The following ZNF385D variants were observed in gnomAD, a reference collection of about 807,000 sequenced individuals.
The protein encoded by ZNF385D is zinc finger protein 385D.
Under a neutral mutation model 35.8 loss-of-function variants are expected in ZNF385D, and 15 were observed. The ratio of observed to expected loss-of-function variants is 0.42; its 90% CI spans 0.28 to 0.64. The LOEUF is 0.64. ZNF385D is among the 30% of genes least tolerant of loss of function. The pLI is 0.23. For synonymous variants in ZNF385D, 212 were observed against 186.8 expected, an observed-to-expected ratio of 1.13 and a Z score of -1.10; for missense variants, 474 against 494.6, an observed-to-expected ratio of 0.96 and a Z score of 0.39.
chr3:21,983,242 C>A (rs1212235406), intron 3 of ZNF385D, among the ~76,000 whole-genome samples: 12 of 143,852 alleles, frequency 8.3e-5, no homozygotes, highest in African/African-American at 2.8e-4. Flanking sequence ...TATACATGTG[C>A]CATGCTGGTG....
rs75637433 is a variant in ZNF385D, at chr3:21,885,267, T to G, written c.326-220239A>C. 3.2e-4 allele frequency among the ~76,000 whole-genome samples: 48 copies of G among 152,208 alleles called. 1 individual carries two copies. In the East Asian group the frequency reaches 8.7e-3, roughly 28 times the overall value. On this transcript the variant is annotated intron_variant, in intron 3 of 5. Transcript: ENST00000494108. ...TGAAGTTCCAAAATTCATTTTTTTC[T>G]TTCATTCTTCCTTTACTTGCTAACA...
At chr3:22,338,722 G>C (rs935907096) in intron 2 of ZNF385D, among the ~76,000 whole-genome samples, 4 of 112,098 alleles carry the variant, frequency 3.6e-5, no homozygotes, top group Non-Finnish European at 6.7e-5. Flanking sequence ...TTTTTTTGAA[G>C]TGGAGTCTTG....
At chr3:22,178,441 T>A (rs1694984299) in intron 2 of ZNF385D, among the ~76,000 whole-genome samples, 1 of 152,214 alleles carries the variant, frequency 6.6e-6, no homozygotes, top group Admixed American at 6.5e-5. Flanking sequence ...TGTTTTTTTC[T>A]TGTAAATTTG....
chr3:22,304,897 CATTA>C (rs1308191675), intron 2 of ZNF385D, among the ~76,000 whole-genome samples: 1 of 152,080 alleles, frequency 6.6e-6, no homozygotes, highest in Non-Finnish European at 1.5e-5. Flanking sequence ...ATAGTGAAAT[CATTA>C]ATTCATTTAT....
chr3:22,284,349 C>T lies in ZNF385D; in HGVS notation c.106+88101G>A, dbSNP rs375490401. Among the ~76,000 whole-genome samples, 50 of 152,006 alleles carry T rather than the reference C, an allele frequency of 3.3e-4. No individual in the cohort carries two copies. In the East Asian group the frequency reaches 7.2e-3, roughly 22 times the overall value. On this transcript the variant is annotated intron_variant, in intron 2 of 5. Transcript: ENST00000494108. Reference sequence around the variant, plus strand: ...GATTACAGGAACATGCCACCACACCCGGCTATTCTTTTTTTTATTTTTAGT... The same window carrying T: ...GATTACAGGAACATGCCACCACACCTGGCTATTCTTTTTTTTATTTTTAGT...
intron 3 of ZNF385D, among the ~76,000 whole-genome samples, chr3:22,030,548 GA>G (rs1162743540): frequency 6.6e-6 from 1 of 151,422 alleles, no homozygotes; most frequent in Non-Finnish European, 1.5e-5. Flanking sequence ...CAGATCTTGG[GA>G]AACCTCCCTC....
intron 3 of ZNF385D, among the ~76,000 whole-genome samples, chr3:21,904,342 A>T (rs1699566766): frequency 6.6e-6 from 1 of 151,132 alleles, no homozygotes; most frequent in Non-Finnish European, 1.5e-5. Flanking sequence ...AAAGCTCAAG[A>T]TTCAATATGC....
At chr3:21,577,906 C>T (rs1333767640) in intron 2 of ZNF385D, among the ~76,000 whole-genome samples, 1 of 151,194 alleles carries the variant, frequency 6.6e-6, no homozygotes, top group Non-Finnish European at 1.5e-5. Context: ...ACTTCCTGGG[C>T]TTAAGCGATC....
chr3:21,833,050 A>C (rs1695102178), intron 3 of ZNF385D, among the ~76,000 whole-genome samples: 2 of 151,934 alleles, frequency 1.3e-5, no homozygotes, highest in Admixed American at 1.3e-4. Context: ...GACACTTTCC[A>C]CTCTCACATC....
At chr3:21,825,244 C>A (rs2670260) in intron 3 of ZNF385D, among the ~76,000 whole-genome samples, 55,727 of 151,734 alleles carry the variant, frequency 0.37, 10,435 homozygotes, top group African/African-American at 0.43. Flanking sequence ...ACTTGAGATC[C>A]AGGTGAAACC....
At chr3:22,168,533 C>A (rs1706483981) in intron 3 of ZNF385D, 1 of 152,350 alleles carries the variant, frequency 6.6e-6, no homozygotes, top group African/African-American at 2.4e-5. Flanking sequence ...TATTTCCACA[C>A]ATAACTATAC....
chr3:22,042,508 A>T (rs1308696531), intron 3 of ZNF385D, among the ~76,000 whole-genome samples: 1 of 152,142 alleles, frequency 6.6e-6, no homozygotes, highest in Non-Finnish European at 1.5e-5. Flanking sequence ...CTGCAGTAGA[A>T]CAGACTATAA....
intron 3 of ZNF385D, among the ~76,000 whole-genome samples, chr3:22,041,621 T>C (rs35485403): frequency 0.11 from 16,177 of 152,188 alleles, 1,136 homozygotes; most frequent in South Asian, 0.26. Flanking sequence ...AACACTAAAA[T>C]AGGCTCAGAC....
chr3:22,164,126 G>A lies in ZNF385D; in HGVS notation c.325+4691C>T, dbSNP rs183599799. Among the ~76,000 whole-genome samples, 339 of 150,820 alleles carry A rather than the reference G, an allele frequency of 2.2e-3. 5 individuals carry two copies. Among genetic ancestry groups the A allele is most frequent in the Non-Finnish European group, 2.2e-4 (15 of 67,902 alleles). On this transcript the variant is annotated intron_variant, in intron 3 of 5. Transcript: ENST00000494108. The stretch of plus-strand genomic sequence containing the variant: ...CTATATTAAGGTAAAGCACTAATTC[G>A]CTTGTGAAATTTATGGCATATAACT...
chr3:21,470,282 A>G (rs1452324735), intron 4 of ZNF385D, among the ~76,000 whole-genome samples: 1 of 152,160 alleles, frequency 6.6e-6, no homozygotes. Flanking sequence ...AGTGGATCCT[A>G]AGCAGTTTTC....
In ZNF385D at chr3:21,910,503, T is replaced by C. The variant is rs574491003; in HGVS notation, c.326-245475A>G. Among the ~76,000 whole-genome samples, 19 of 152,106 alleles carry C rather than the reference T, an allele frequency of 1.2e-4. No individual in the cohort carries two copies. The Middle Eastern group carries it at 0.01, about 82-fold the overall frequency. On this transcript the variant is annotated intron_variant, in intron 3 of 5. Coordinates refer to the ZNF385D transcript ENST00000494108. ...ACAAATACTAAACAGTAGAATTTAC[T>C]ACTTTCAGGAAATTATTAAAATTCT...
At chr3:22,225,757 A>T (rs916781202) in intron 2 of ZNF385D, among the ~76,000 whole-genome samples, 2 of 152,204 alleles carry the variant, frequency 1.3e-5, no homozygotes, top group Non-Finnish European at 2.9e-5. Flanking sequence ...ATTCTAAGCA[A>T]ACCCAAACTA....
chr3:21,974,660 T>C (rs1703479676), intron 3 of ZNF385D, among the ~76,000 whole-genome samples: 1 of 152,050 alleles, frequency 6.6e-6, no homozygotes, highest in South Asian at 2.1e-4. Flanking sequence ...GTAAATATTT[T>C]CAAGCTATCT....
chr3:21,576,659 C>T (rs887828313), intron 2 of ZNF385D, among the ~76,000 whole-genome samples: 16 of 152,136 alleles, frequency 1.1e-4, no homozygotes, highest in African/African-American at 3.9e-4. Flanking sequence ...CACCCATGCT[C>T]ATATACCTGG....
Sources: gnomAD v4.1 joint callset for allele counts (sites outside exome capture counted in the v4.1 genomes callset) on GRCh38, gnomAD v4.1.1 for gene constraint, MANE v1.5 for transcripts, NCBI Gene and HGNC (gene_info 2026-07-23, HGNC 2026-07-21) for gene names.